The following XKR6 variants were observed in gnomAD, a reference collection of about 807,000 sequenced individuals.
The protein encoded by XKR6 is XK related 6.
Under a neutral mutation model 56.7 loss-of-function variants are expected in XKR6, and 22 were observed. That is an observed-to-expected ratio of 0.39 (90% CI 0.28 to 0.55). The LOEUF (loss-of-function observed/expected upper bound fraction) is 0.55, where lower values mean the gene tolerates loss of function less well. Ranked by LOEUF, XKR6 falls within the 20% of genes least tolerant of loss-of-function variation. The pLI is 0.66. For missense variants in XKR6, 852 were observed against 889.0 expected (o/e 0.96, Z 0.53); for synonymous variants, 524 against 387.8 (o/e 1.35, Z -4.13).
chr8:11,117,223 T>C (rs919736274), intron 1 of XKR6, among the ~76,000 whole-genome samples: 2 of 152,230 alleles, frequency 1.3e-5, no homozygotes, highest in African/African-American at 4.8e-5. Context: ...GGGGTGAAAC[T>C]GCAACCTGAA....
At chr8:11,179,877 A>C (rs1226005768) in intron 1 of XKR6, among the ~76,000 whole-genome samples, 1 of 152,250 alleles carries the variant, frequency 6.6e-6, no homozygotes, top group South Asian at 2.1e-4. Flanking sequence ...TCATGCCAGT[A>C]ATCTCAGCAC....
At chr8:11,023,155 A>G (rs1448968565) in intron 1 of XKR6, among the ~76,000 whole-genome samples, 1 of 152,204 alleles carries the variant, frequency 6.6e-6, no homozygotes, top group Non-Finnish European at 1.5e-5. Flanking sequence ...GAAAATGGGC[A>G]GGTGGAAAGC....
At chr8:11,092,011 G>A (rs1193111244) in intron 1 of XKR6, among the ~76,000 whole-genome samples, 3 of 152,188 alleles carry the variant, frequency 2.0e-5, no homozygotes, top group African/African-American at 4.8e-5. Context: ...CCTTAGAAAA[G>A]TAATCAAGTG....
At chr8:11,009,295 G>A (rs1425908863) in intron 1 of XKR6, among the ~76,000 whole-genome samples, 1 of 152,198 alleles carries the variant, frequency 6.6e-6, no homozygotes, top group East Asian at 1.9e-4. Flanking sequence ...CAGATTGCTT[G>A]AGCCCAGGAG....
intron 1 of XKR6, among the ~76,000 whole-genome samples, chr8:11,126,215 T>G (rs1456039453): frequency 6.6e-6 from 1 of 151,906 alleles, no homozygotes; most frequent in South Asian, 2.1e-4. Context: ...ATTACAGGCG[T>G]GCACTACCAC....
chr8:11,092,288 C>G (rs1798098841), intron 1 of XKR6, among the ~76,000 whole-genome samples: 1 of 152,222 alleles, frequency 6.6e-6, no homozygotes, highest in Non-Finnish European at 1.5e-5. Flanking sequence ...CACACACACG[C>G]ACTTATGAAT....
At chr8:11,023,951 G>A (rs1245724407) in intron 1 of XKR6, among the ~76,000 whole-genome samples, 1 of 152,192 alleles carries the variant, frequency 6.6e-6, no homozygotes, top group Non-Finnish European at 1.5e-5. Context: ...GAAGAATAGG[G>A]TGGGGGAATT....
rs112016845 is a variant in XKR6 at position 11,167,656 on chromosome 8, C to G, written c.764+32920G>C. Among the ~76,000 whole-genome samples, 819 of 152,080 alleles carry G rather than the reference C, an allele frequency of 5.4e-3. 8 individuals are homozygous for G. The highest frequency in any genetic ancestry group is 0.018 in the African/African-American group (765 of 41,496). On this transcript the variant is annotated intron_variant, in intron 1 of 2. Transcript: ENST00000416569. ...GCCACACACATGCTCAGAATAAAAC[C>G]CAGGAAGACCTTAAGCTTTTTCACC... is the stretch of plus-strand genomic sequence containing the variant.
chr8:11,176,864 G>A (rs371030092), intron 1 of XKR6, among the ~76,000 whole-genome samples: 1 of 152,182 alleles, frequency 6.6e-6, no homozygotes, highest in African/African-American at 2.4e-5. Context: ...TGGCACCCTG[G>A]CAGCAAGATG....
At chr8:11,053,112 G>A (rs1258507768) in intron 1 of XKR6, among the ~76,000 whole-genome samples, 1 of 152,216 alleles carries the variant, frequency 6.6e-6, no homozygotes, top group East Asian at 1.9e-4. Context: ...GGGACCGCAG[G>A]CTTCCTTCTG....
intron 2 of XKR6, among the ~76,000 whole-genome samples, chr8:10,912,959 A>T (rs1800451448): frequency 6.6e-6 from 1 of 150,766 alleles, no homozygotes; most frequent in Admixed American, 6.6e-5. Flanking sequence ...GGGCGAGTAC[A>T]TCTGTAGAGA....
chr8:11,020,337 A>T lies in XKR6; in HGVS notation c.765-95507T>A, dbSNP rs543731208. Reference sequence around the variant, plus strand: ...TCCTGTCACTCAGCCATCCCTCCAGAAATGCATCCATCCATCCATCCATCC... The same window carrying T: ...TCCTGTCACTCAGCCATCCCTCCAGTAATGCATCCATCCATCCATCCATCC... On this transcript the variant is annotated intron_variant, in intron 1 of 2. Transcript: ENST00000416569. Among the ~76,000 whole-genome samples, 5 of 152,300 alleles carry T rather than the reference A, an allele frequency of 3.3e-5. No individual in the cohort carries two copies. In the South Asian group the frequency reaches 8.3e-4, roughly 25 times the overall value.
intron 1 of XKR6, among the ~76,000 whole-genome samples, chr8:11,155,834 C>T (rs1348910343): frequency 1.3e-5 from 2 of 152,190 alleles, no homozygotes; most frequent in African/African-American, 4.8e-5. Context: ...TCATCAATGG[C>T]TCTCTTGCAT....
At chr8:10,925,404 C>A (rs1182414974) in intron 1 of XKR6, among the ~76,000 whole-genome samples, 1 of 152,198 alleles carries the variant, frequency 6.6e-6, no homozygotes, top group Non-Finnish European at 1.5e-5. Flanking sequence ...ACTGCACAGG[C>A]TCCTGTCGCC....
intron 1 of XKR6, among the ~76,000 whole-genome samples, chr8:11,059,701 G>T (rs1054873127): frequency 7.8e-6 from 1 of 128,528 alleles, no homozygotes; most frequent in African/African-American, 4.4e-5. Flanking sequence ...CGGGACAGGC[G>T]CGTCTCTGTT....
intron 1 of XKR6, among the ~76,000 whole-genome samples, chr8:11,081,910 C>A (rs972420846): frequency 6.6e-6 from 1 of 152,336 alleles, no homozygotes; most frequent in South Asian, 2.1e-4. Flanking sequence ...CGAGGTGGGA[C>A]TGGATGCCAA....
Position 10,901,617 on chromosome 8 carries a change from C to T in XKR6, c.962-2701G>A, listed in dbSNP as rs76917382. 7.0e-4 allele frequency among the ~76,000 whole-genome samples: 106 copies of T among 152,208 alleles called. 1 individual carries two copies. The highest frequency in any genetic ancestry group is 2.4e-3 in the African/African-American group (100 of 41,514). Reference sequence around the variant, plus strand: ...ATCATGAACATCTGGTAGGTCCTACCGACCCATAGTAATCAGATGGGAGTT... The same window carrying T: ...ATCATGAACATCTGGTAGGTCCTACTGACCCATAGTAATCAGATGGGAGTT... On this transcript the variant is annotated intron_variant, in intron 2 of 2. Coordinates refer to ENST00000416569, the MANE Select transcript of XKR6 (RefSeq NM_173683.4).
intron 1 of XKR6, among the ~76,000 whole-genome samples, chr8:11,049,501 G>C (rs2129159144): frequency 6.6e-6 from 1 of 152,286 alleles, no homozygotes; most frequent in East Asian, 1.9e-4. Flanking sequence ...GGCTGTACGT[G>C]AAGACCTACC....
intron 1 of XKR6, among the ~76,000 whole-genome samples, chr8:11,091,832 C>T (rs1299083502): frequency 2.0e-5 from 3 of 152,212 alleles, no homozygotes; most frequent in Non-Finnish European, 2.9e-5. Flanking sequence ...AGTCCCCCAA[C>T]ACCTCCTCTC....
Sources: gnomAD v4.1 joint callset for allele counts (sites outside exome capture counted in the v4.1 genomes callset) on GRCh38, gnomAD v4.1.1 for gene constraint, MANE v1.5 for transcripts, NCBI Gene and HGNC (gene_info 2026-07-23, HGNC 2026-07-21) for gene names.